Variants in KCNN4 observed in about 807,000 individuals in gnomAD.
KCNN4 encodes intermediate conductance calcium-activated potassium channel protein 4.
A neutral mutation model predicts 45.2 loss-of-function variants in KCNN4; 31 were observed. The ratio of observed to expected loss-of-function variants is 0.69; its 90% CI spans 0.52 to 0.92. The LOEUF is 0.92. KCNN4 is among the 40% of genes least tolerant of loss of function. The probability of loss-of-function intolerance (pLI) is 0.00; values close to 1 mark genes in which losing one functional copy is unlikely to be tolerated. For synonymous variants in KCNN4, 231 were observed against 254.6 expected, an observed-to-expected ratio of 0.91 and a Z score of 0.88; for missense variants, 463 against 574.0, an observed-to-expected ratio of 0.81 and a Z score of 1.98.
intron 4 of KCNN4, among the ~76,000 whole-genome samples, chr19:43,771,685 T>C (rs1969649145): frequency 6.6e-6 from 1 of 152,000 alleles, no homozygotes; most frequent in African/African-American, 2.4e-5. Flanking sequence ...TAGGTCTGAT[T>C]TTTTATTTTA....
intron 1 of KCNN4, among the ~76,000 whole-genome samples, chr19:43,779,504 T>C (rs549974245): frequency 3.9e-5 from 6 of 152,114 alleles, no homozygotes; most frequent in Non-Finnish European, 8.8e-5. Context: ...TTCATATCAG[T>C]GTCCGCATCT....
intron 7 of KCNN4, 87 bp from the exon 8 acceptor site, chr19:43,767,794 C>T (rs1292876016): frequency 6.7e-7 from 1 of 1,497,552 alleles, no homozygotes; most frequent in Non-Finnish European, 9.2e-7. Context: ...CCAATATTGA[C>T]CACATCCTTA....
chr19:43,769,901 C>CCG lies in KCNN4; in HGVS notation c.820-73_820-72insCG. ...CCTCCTTGAACCCGCCCAACAGCCA[C>CCG]AGACGGTAGGCACGACCATCCCCAG... On this transcript the variant is annotated intron_variant, in intron 4 of 8. Coordinates refer to ENST00000648319, the MANE Select transcript of KCNN4 (RefSeq NM_002250.3). The surrounding 1 kb of genome is among the most constrained non-coding windows in gnomAD (Gnocchi z 4.4). The CCG allele has an allele frequency of 9.7e-7, 1 of 1,027,308 alleles. No homozygotes were observed. Among genetic ancestry groups the CCG allele is most frequent in the South Asian group, 1.4e-5 (1 of 72,894 alleles). The allele number at this position is 1,027,308 out of a possible 1,614,324, so 63.6% of individuals were successfully genotyped here.
In KCNN4 at chr19:43,769,852, G is replaced by A. The variant is rs766624365; in HGVS notation, c.820-23C>T. On this transcript the variant is annotated intron_variant, in intron 4 of 8. Coordinates refer to ENST00000648319, the MANE Select transcript of KCNN4 (RefSeq NM_002250.3). This position sits in a 1 kb window ranked among gnomAD's most constrained non-coding sequence, Gnocchi z 4.4. ...ACCCTGTGGGCACAGCAGGCACCGT[G>A]GCATGAGGCTGTGCCACCGACTCCC... is the stretch of plus-strand genomic sequence containing the variant. 2 of 1,565,332 alleles carry A rather than the reference G, an allele frequency of 1.3e-6. No individual in the cohort carries two copies. The highest frequency in any genetic ancestry group is 4.5e-5 in the East Asian group (2 of 44,572).
intron 3 of KCNN4, among the ~76,000 whole-genome samples, chr19:43,773,782 C>CT: frequency 6.6e-6 from 1 of 152,180 alleles, no homozygotes; most frequent in South Asian, 2.1e-4. Flanking sequence ...CAAAAAGCAC[C>CT]TACCTACAGT....
intron 1 of KCNN4, among the ~76,000 whole-genome samples, chr19:43,780,465 C>T (rs1969946617): frequency 8.4e-6 from 1 of 119,508 alleles, no homozygotes; most frequent in African/African-American, 3.1e-5. Context: ...ACCCCCAGCC[C>T]CTCCTCCCTC....
chr19:43,768,272 C>T (rs1324402714), intron 7 of KCNN4, among the ~76,000 whole-genome samples: 2 of 152,248 alleles, frequency 1.3e-5, no homozygotes, highest in Non-Finnish European at 2.9e-5. Context: ...GCATCTGTGA[C>T]CGTGCTTACC....
chr19:43,776,495 T>C (rs747225362), intron 2 of KCNN4, 46 bp downstream of exon 2: 1 of 1,299,430 alleles, frequency 7.7e-7, no homozygotes, highest in South Asian at 1.2e-5. Context: ...GACAGGGCGC[T>C]GAGGGGGTTG....
Position 43,780,710 on chromosome 19 carries a change from C to T in KCNN4, c.152G>A (p.Gly51Glu). 6.2e-7 allele frequency: 1 copy of T among 1,613,274 alleles called. No individual in the cohort carries two copies. Among genetic ancestry groups the T allele is most frequent in the South Asian group, 1.1e-5 (1 of 91,044 alleles). Residue 51 changes from glycine (G) to glutamate (E), a missense_variant, in exon 1 of 9, where the codon GGG becomes GAG. Gly to Glu is a moderately conservative substitution (Grantham distance 98). Transcript: ENST00000648319. ...VLHAEMLWFG[G>E]CSWALYLFLV... ...CCACCATGCCCCACTCACCGAGCACCCCCCGAACCACAGCATCTCTGCATG... is the reference window on the plus strand; with the variant it reads ...CCACCATGCCCCACTCACCGAGCACTCCCCGAACCACAGCATCTCTGCATG...
chr19:43,767,810 C>T (rs1287224837), intron 7 of KCNN4, 103 bp from the exon 8 acceptor site: 5 of 1,358,322 alleles, frequency 3.7e-6, no homozygotes, highest in South Asian at 1.3e-5. Context: ...CCTTATGGTC[C>T]TCTGAGGATT....
At chr19:43,780,110 A>G (rs1239983478) in intron 1 of KCNN4, among the ~76,000 whole-genome samples, 7 of 151,948 alleles carry the variant, frequency 4.6e-5, no homozygotes, top group Non-Finnish European at 1.0e-4. Flanking sequence ...CCCTTCACCA[A>G]ACCTGGGGCT....
rs772946186 is a variant in KCNN4 at position 43,769,407 on chromosome 19, C to A, written c.1049+35G>T. 3 of 1,535,720 alleles carry A rather than the reference C, an allele frequency of 2.0e-6. No individual in the cohort carries two copies. Among genetic ancestry groups the A allele is most frequent in the South Asian group, 2.2e-5 (2 of 89,566 alleles). On this transcript the variant is annotated intron_variant, in intron 6 of 8. Coordinates refer to ENST00000648319, the MANE Select transcript of KCNN4 (RefSeq NM_002250.3). The surrounding 1 kb of genome is among the most constrained non-coding windows in gnomAD (Gnocchi z 4.4). ...CAGAGAGGTGACTTGGACATGGGTG[C>A]ACATGGACACGTGTGCATACAAAGC...
intron 8 of KCNN4, 94 bp downstream of exon 8, chr19:43,767,446 C>T: frequency 6.9e-7 from 1 of 1,454,008 alleles, no homozygotes; most frequent in South Asian, 1.3e-5. Flanking sequence ...GGCCTTGTCT[C>T]CCAGCCATCC....
chr19:43,774,389 C>G lies in KCNN4; in HGVS notation c.486G>C (p.Leu162=). The change falls in exon 3 of 9, where the codon CTG becomes CTC. Residue 162 remains leucine (L), a synonymous_variant. Coordinates refer to ENST00000648319, the MANE Select transcript of KCNN4 (RefSeq NM_002250.3). The surrounding 1 kb of genome is among the most constrained non-coding windows in gnomAD (Gnocchi z 5.6). ...TGCGCAGGAGCACGGCGCGGGGCAC[C>G]AGGTAGAGACGCAGCAGCATGGCCA... The part of the protein sequence containing the change: ...LSLAMLLRLY[L]VPRAVLLRSG... The G allele has an allele frequency of 1.2e-6, 2 of 1,602,252 alleles. No individual in the cohort carries two copies. The highest frequency in any genetic ancestry group is 8.5e-7 in the Non-Finnish European group (1 of 1,174,742).
In KCNN4 at chr19:43,777,039, G is replaced by A. The variant is rs183094488; in HGVS notation, c.160-403C>T. Among the ~76,000 whole-genome samples, 88 of 152,152 alleles carry A rather than the reference G, an allele frequency of 5.8e-4. 1 individual carries two copies. The highest frequency in any genetic ancestry group is 1.9e-3 in the African/African-American group (78 of 41,486). ...GGAAGTTGCAGTGAGCTGAGAGATC[G>A]CGCCACTGCACTCCAGCCTGGGCAA... is the stretch of plus-strand genomic sequence containing the variant. On this transcript the variant is annotated intron_variant, in intron 1 of 8. Transcript: ENST00000648319.
At chr19:43,768,318 C>T (rs1013083814) in intron 7 of KCNN4, among the ~76,000 whole-genome samples, 2 of 152,232 alleles carry the variant, frequency 1.3e-5, no homozygotes, top group Non-Finnish European at 2.9e-5. Flanking sequence ...TTTGAACTGT[C>T]GTGGGCTAAC....
intron 4 of KCNN4, among the ~76,000 whole-genome samples, chr19:43,771,108 C>T (rs544300000): frequency 3.0e-4 from 45 of 149,552 alleles, no homozygotes; most frequent in South Asian, 1.1e-3. Context: ...AAGGCCAAGG[C>T]ATTAGGTGCT....
In KCNN4 at chr19:43,769,094, GGGGAGGAATGAA is replaced by G. The variant is rs1346606855; in HGVS notation, c.1050-74_1050-63del. On this transcript the variant is annotated intron_variant, in intron 6 of 8. Transcript: ENST00000648319. The surrounding 1 kb of genome is among the most constrained non-coding windows in gnomAD (Gnocchi z 4.4). ...GGTCCCTGAATGTAGCTGTAGCTCA[GGGGAGGAATGAA>G]GGGAGGAGAGGCACATGAAGAAACA... 51 of 1,542,124 alleles carry G rather than the reference GGGGAGGAATGAA, an allele frequency of 3.3e-5. No individual in the cohort carries two copies. In the Admixed American group the frequency reaches 8.3e-4, roughly 25 times the overall value.
intron 2 of KCNN4, among the ~76,000 whole-genome samples, chr19:43,775,045 G>C (rs1230080970): frequency 6.6e-6 from 1 of 152,246 alleles, no homozygotes; most frequent in Non-Finnish European, 1.5e-5. Flanking sequence ...AAAGCCATGG[G>C]CCGGGCGCGA....
Sources: gnomAD v4.1 joint callset for allele counts (sites outside exome capture counted in the v4.1 genomes callset) on GRCh38, gnomAD v4.1.1 for gene constraint, Gnocchi (gnomAD v3.1) non-coding constraint, MANE v1.5 for transcripts, NCBI Gene and HGNC (gene_info 2026-07-23, HGNC 2026-07-21) for gene names.